Variants in RORA observed in about 807,000 individuals in gnomAD.
RORA encodes nuclear receptor ROR-alpha.
Under a neutral mutation model 69.5 loss-of-function variants are expected in RORA, and 7 were observed. That is an observed-to-expected ratio of 0.10 (90% CI 0.06 to 0.19). The LOEUF is 0.19. Among genes scored for constraint, RORA ranks in the 10% least tolerant of loss-of-function variants. RORA has a pLI of 1.00. For synonymous variants in RORA, 261 were observed against 240.8 expected, an observed-to-expected ratio of 1.08 and a Z score of -0.78; for missense variants, 457 against 663.0, an observed-to-expected ratio of 0.69 and a Z score of 3.41.
At chr15:60,901,170 AT>A (rs919500925) in intron 1 of RORA, among the ~76,000 whole-genome samples, 58 of 149,720 alleles carry the variant, frequency 3.9e-4, no homozygotes, top group Middle Eastern at 3.4e-3. Context: ...TTGATTCATG[AT>A]TTTTTTTTTC....
At chr15:60,632,833 T>G (rs1019077380) in intron 2 of RORA, among the ~76,000 whole-genome samples, 9 of 152,120 alleles carry the variant, frequency 5.9e-5, no homozygotes, top group East Asian at 3.9e-4. Context: ...TAGACTGATA[T>G]TTTCCAGAGA....
At chr15:61,161,522 T>C (rs973190717) in intron 1 of RORA, among the ~76,000 whole-genome samples, 15 of 152,178 alleles carry the variant, frequency 9.9e-5, no homozygotes, top group Non-Finnish European at 2.1e-4. Context: ...AAATAATGTA[T>C]GCGCATTCAC....
intron 1 of RORA, among the ~76,000 whole-genome samples, chr15:60,865,276 T>A (rs2073475341): frequency 1.3e-5 from 2 of 152,214 alleles, no homozygotes; most frequent in South Asian, 4.1e-4. Flanking sequence ...TTTCCTCATC[T>A]ATCAAATGGA....
intron 2 of RORA, chr15:60,547,928 G>C (rs1342114110): frequency 6.6e-6 from 1 of 152,238 alleles, no homozygotes; most frequent in South Asian, 2.1e-4. Flanking sequence ...AATAAAATCA[G>C]CTTCATTACC....
At chr15:60,765,135 C>T in intron 1 of RORA, 1 of 152,042 alleles carries the variant, frequency 6.6e-6, no homozygotes. Flanking sequence ...TATCCTCGAT[C>T]CCAGGGCCCA....
At chr15:60,619,889 C>T (rs889920464) in intron 2 of RORA, among the ~76,000 whole-genome samples, 2 of 152,222 alleles carry the variant, frequency 1.3e-5, no homozygotes, top group East Asian at 3.8e-4. Flanking sequence ...TTGCAGGCCT[C>T]AATGGACAGA....
intron 1 of RORA, among the ~76,000 whole-genome samples, chr15:60,839,034 G>A (rs369080615): frequency 1.1e-4 from 17 of 151,770 alleles, no homozygotes; most frequent in African/African-American, 4.1e-4. Flanking sequence ...GACTACAGGC[G>A]CCCGCCACCA....
intron 1 of RORA, among the ~76,000 whole-genome samples, chr15:60,866,820 TTATC>T (rs535434841): frequency 0.084 from 12,339 of 146,714 alleles, 1,125 homozygotes; most frequent in African/African-American, 0.24. Context: ...TATCTTATCT[TTATC>T]TATCTATCTA....
intron 1 of RORA, among the ~76,000 whole-genome samples, chr15:60,900,946 T>C (rs774224403): frequency 1.3e-5 from 2 of 152,126 alleles, no homozygotes; most frequent in African/African-American, 4.8e-5. Flanking sequence ...ATAATAAGGT[T>C]ACATGTAAAG....
At chr15:60,710,742 G>C (rs982620982) in intron 1 of RORA, among the ~76,000 whole-genome samples, 3 of 152,150 alleles carry the variant, frequency 2.0e-5, no homozygotes, top group Non-Finnish European at 2.9e-5. Context: ...GATGATGTTG[G>C]TGGGCTTTCT....
chr15:61,059,632 G>C (rs1165333137), intron 1 of RORA, among the ~76,000 whole-genome samples: 1 of 152,002 alleles, frequency 6.6e-6, no homozygotes, highest in African/African-American at 2.4e-5. Context: ...TAGGAAATTA[G>C]AGCCCAGGAT....
intron 1 of RORA, among the ~76,000 whole-genome samples, chr15:60,973,725 G>T (rs149177063): frequency 2.0e-5 from 3 of 152,306 alleles, no homozygotes; most frequent in South Asian, 2.1e-4. Context: ...GCCTCAAGAA[G>T]AACAAAGAGA....
At chr15:60,725,964 G>A (rs187845967) in intron 1 of RORA, among the ~76,000 whole-genome samples, 2 of 152,282 alleles carry the variant, frequency 1.3e-5, no homozygotes, top group East Asian at 3.9e-4. Flanking sequence ...GAATGGTAGT[G>A]GTGGTGGTTT....
At chr15:60,543,417 C>T (rs2066965340) in intron 2 of RORA, among the ~76,000 whole-genome samples, 1 of 152,056 alleles carries the variant, frequency 6.6e-6, no homozygotes, top group Admixed American at 6.5e-5. Flanking sequence ...AGTAAAGTGC[C>T]TGTAGCATCA....
In RORA at chr15:60,497,305, C is replaced by T; in HGVS notation, c.*150G>A. On this transcript the variant is annotated 3_prime_UTR_variant, in exon 11 of 11. Transcript: ENST00000335670. Reference sequence around the variant, plus strand: ...AACTTTTATTTGTTTTCATTGTTTCCCCTCCTTTGCCTGACCCCGATCACC... The same window carrying T: ...AACTTTTATTTGTTTTCATTGTTTCTCCTCCTTTGCCTGACCCCGATCACC... 2 of 584,358 alleles carry T rather than the reference C, an allele frequency of 3.4e-6. No individual in the cohort carries two copies. Among genetic ancestry groups the T allele is most frequent in the East Asian group, 2.9e-5 (1 of 34,806 alleles). The allele number at this position is 584,358 out of a possible 1,614,324, so 36.2% of individuals were successfully genotyped here. A position where few individuals can be genotyped will look rare whatever the true frequency, so the allele number is the denominator to read the frequency against.
intron 2 of RORA, among the ~76,000 whole-genome samples, chr15:60,562,544 T>G (rs1256922275): frequency 6.6e-6 from 1 of 151,772 alleles, no homozygotes; most frequent in Non-Finnish European, 1.5e-5. Context: ...CAGGCGATTC[T>G]CCTGCCTCAG....
intron 1 of RORA, among the ~76,000 whole-genome samples, chr15:61,170,662 AT>A (rs2079577506): frequency 6.6e-6 from 1 of 152,186 alleles, no homozygotes; most frequent in Non-Finnish European, 1.5e-5. Context: ...ATATATGTGT[AT>A]TTTTCAGCAC....
intron 1 of RORA, among the ~76,000 whole-genome samples, chr15:60,976,501 A>G (rs1338334832): frequency 6.6e-6 from 1 of 152,100 alleles, no homozygotes; most frequent in African/African-American, 2.4e-5. Context: ...CTTGTCTGGA[A>G]AGCCCAGGCC....
At chr15:60,805,656 T>C (rs967843458) in intron 1 of RORA, among the ~76,000 whole-genome samples, 1 of 152,190 alleles carries the variant, frequency 6.6e-6, no homozygotes, top group African/African-American at 2.4e-5. Context: ...ATTGTATCAT[T>C]GATATAGGAT....
Sources: gnomAD v4.1 joint callset for allele counts (sites outside exome capture counted in the v4.1 genomes callset) on GRCh38, gnomAD v4.1.1 for gene constraint, MANE v1.5 for transcripts, NCBI Gene and HGNC (gene_info 2026-07-23, HGNC 2026-07-21) for gene names.